LMNB1: variants seen among roughly 807,000 people sequenced by gnomAD.
LMNB1 encodes lamin-B1.
In LMNB1, 23 loss-of-function variants were observed where a neutral mutation model predicts 67.1. That is an observed-to-expected ratio of 0.34 (90% CI 0.25 to 0.49). The LOEUF is 0.49. LMNB1 is among the 20% of genes least tolerant of loss of function. The pLI is 0.99. For missense variants in LMNB1, 634 were observed against 746.5 expected, an observed-to-expected ratio of 0.85 and a Z score of 1.76; for synonymous variants, 281 against 282.9, an observed-to-expected ratio of 0.99 and a Z score of 0.07.
intron 1 of LMNB1, among the ~76,000 whole-genome samples, chr5:126,792,867 C>T (rs981802796): frequency 4.6e-5 from 7 of 151,958 alleles, no homozygotes; most frequent in Non-Finnish European, 2.9e-5. Context: ...TGAGCCACCG[C>T]GCCCGGCAGC....
At chr5:126,830,376 A>T (rs965986695) in intron 9 of LMNB1, among the ~76,000 whole-genome samples, 1 of 152,246 alleles carries the variant, frequency 6.6e-6, no homozygotes, top group African/African-American at 2.4e-5. Flanking sequence ...TGGGGTAAAC[A>T]CATTTATTTA....
chr5:126,811,951 G>T (rs201034735), intron 5 of LMNB1, 53 bp downstream of exon 5: 2 of 1,569,430 alleles, frequency 1.3e-6, no homozygotes, highest in African/African-American at 2.7e-5. Context: ...CCTTCACCAC[G>T]GGCACCTACC....
chr5:126,829,322 C>T (rs1157300019), intron 9 of LMNB1, among the ~76,000 whole-genome samples: 3 of 151,834 alleles, frequency 2.0e-5, no homozygotes, highest in Non-Finnish European at 2.9e-5. Flanking sequence ...CCCTTGGGGA[C>T]GCAGGATAGC....
intron 5 of LMNB1, among the ~76,000 whole-genome samples, chr5:126,816,831 G>A (rs1188195068): frequency 3.3e-5 from 5 of 152,204 alleles, no homozygotes; most frequent in East Asian, 1.9e-4. Context: ...GGGATTGCAC[G>A]TATGTGATAA....
At chr5:126,811,731 C>A in intron 4 of LMNB1, 42 bp from the exon 5 acceptor site, 2 of 1,529,508 alleles carry the variant, frequency 1.3e-6, no homozygotes, top group South Asian at 2.4e-5. Context: ...TTTTTTGTTT[C>A]AGTTCTAGAT....
chr5:126,801,060 T>C (rs1751276314), intron 1 of LMNB1, among the ~76,000 whole-genome samples: 1 of 129,284 alleles, frequency 7.7e-6, no homozygotes, highest in East Asian at 2.4e-4. Context: ...CAGGGCTCAC[T>C]GCAGCCTCGA....
chr5:126,800,982 A>ATATATATATTTTTTTTTT, intron 1 of LMNB1, among the ~76,000 whole-genome samples: 7 of 18,630 alleles, frequency 3.8e-4, no homozygotes, highest in Admixed American at 9.5e-4. Flanking sequence ...TATATATATA[A>ATATATATATTTTTTTTTT]TTTTTTTTTT....
intron 1 of LMNB1, among the ~76,000 whole-genome samples, chr5:126,792,782 G>T (rs1270930205): frequency 6.6e-6 from 1 of 151,352 alleles, no homozygotes; most frequent in Non-Finnish European, 1.5e-5. Context: ...CTCCATGCTG[G>T]TCAGGCTGGT....
intron 1 of LMNB1, among the ~76,000 whole-genome samples, chr5:126,781,267 G>T (rs1446252543): frequency 1.3e-5 from 2 of 152,078 alleles, no homozygotes; most frequent in African/African-American, 4.8e-5. Flanking sequence ...TCCATCCTGG[G>T]TGTATTTTCC....
chr5:126,824,081 A>G (rs972650336), intron 8 of LMNB1, among the ~76,000 whole-genome samples: 4 of 152,188 alleles, frequency 2.6e-5, no homozygotes, highest in Non-Finnish European at 4.4e-5. Flanking sequence ...GGATAACTCA[A>G]TTATCATATA....
chr5:126,836,164 T>A lies in LMNB1; in HGVS notation c.1720-59T>A, dbSNP rs926584818. The A allele has an allele frequency of 2.8e-5, 38 of 1,349,558 alleles. No homozygotes were observed. The African/African-American group carries it at 4.3e-4, about 15-fold the overall frequency. 83.6% of individuals were successfully genotyped at this position (1,349,558 alleles called of 1,614,324 possible). A position where few individuals can be genotyped will look rare whatever the true frequency, so the allele number is the denominator to read the frequency against. On this transcript the variant is annotated intron_variant, in intron 10 of 10. Transcript: ENST00000261366. ...CTGTAGTTAAAAGTTTTTGTCTTAT[T>A]TTAGAATACTGTGATCTATTTCTTT...
intron 1 of LMNB1, among the ~76,000 whole-genome samples, chr5:126,803,055 G>T (rs971587730): frequency 6.6e-6 from 1 of 150,788 alleles, no homozygotes; most frequent in African/African-American, 2.4e-5. Context: ...GCCTAGTACC[G>T]CATGCCTGTA....
At chr5:126,825,609 C>A (rs1751976135) in intron 8 of LMNB1, among the ~76,000 whole-genome samples, 2 of 152,162 alleles carry the variant, frequency 1.3e-5, no homozygotes, top group African/African-American at 4.8e-5. Flanking sequence ...CTGAGTTAGC[C>A]AGCCACTGAA....
intron 1 of LMNB1, among the ~76,000 whole-genome samples, chr5:126,789,459 C>T (rs1016893021): frequency 6.6e-6 from 1 of 152,086 alleles, no homozygotes; most frequent in East Asian, 1.9e-4. Context: ...AGTGACAGCT[C>T]GCATAAATGG....
chr5:126,793,254 G>C (rs1040655320), intron 1 of LMNB1, among the ~76,000 whole-genome samples: 1 of 152,044 alleles, frequency 6.6e-6, no homozygotes, highest in Non-Finnish European at 1.5e-5. Flanking sequence ...AAATGAATCA[G>C]TCATTTAAAT....
chr5:126,779,787 C>T (rs573041260), intron 1 of LMNB1, among the ~76,000 whole-genome samples: 2 of 152,198 alleles, frequency 1.3e-5, no homozygotes, highest in African/African-American at 4.8e-5. Context: ...AATCCCAGCA[C>T]TTTGGGAGGC....
chr5:126,821,755 G>A (rs1034181607), intron 7 of LMNB1, among the ~76,000 whole-genome samples: 2 of 152,220 alleles, frequency 1.3e-5, no homozygotes, highest in Non-Finnish European at 2.9e-5. Context: ...AGGAGCTGGA[G>A]GCCATGATGG....
intron 1 of LMNB1, among the ~76,000 whole-genome samples, chr5:126,783,563 T>G (rs1393008722): frequency 6.6e-6 from 1 of 152,278 alleles, no homozygotes; most frequent in East Asian, 1.9e-4. Context: ...TGTCATGACA[T>G]TTCCTTCCCA....
chr5:126,832,627 A>C, intron 9 of LMNB1, 67 bp from the exon 10 acceptor site: 1 of 1,118,856 alleles, frequency 8.9e-7, no homozygotes, highest in Non-Finnish European at 1.3e-6. Flanking sequence ...AGCAAAGAAA[A>C]GGTCCCTCTC....
Sources: gnomAD v4.1 joint callset for allele counts (sites outside exome capture counted in the v4.1 genomes callset) on GRCh38, gnomAD v4.1.1 for gene constraint, MANE v1.5 for transcripts, NCBI Gene and HGNC (gene_info 2026-07-23, HGNC 2026-07-21) for gene names.